The following CSGALNACT1 variants were observed in gnomAD, a reference collection of about 807,000 sequenced individuals.
CSGALNACT1 encodes the protein beta4GalNAcT-1.
In CSGALNACT1, 52 loss-of-function variants were observed where a neutral mutation model predicts 51.0. The observed-to-expected ratio is 1.02, with a 90% CI of 0.82 to 1.29. The LOEUF is 1.29. Ranked by LOEUF, CSGALNACT1 falls within the 50% of genes most tolerant of loss-of-function variation. The pLI is 0.00. For synonymous variants in CSGALNACT1, 341 were observed against 254.4 expected (o/e 1.34, Z -3.24); for missense variants, 935 against 679.2 (o/e 1.38, Z -4.19).
intron 1 of CSGALNACT1, among the ~76,000 whole-genome samples, chr8:19,621,850 T>A (rs557139394): frequency 6.6e-6 from 1 of 152,362 alleles, no homozygotes; most frequent in African/African-American, 2.4e-5. Flanking sequence ...ATTCCTTTGC[T>A]AAGTCAGATA....
intron 4 of CSGALNACT1, among the ~76,000 whole-genome samples, chr8:19,486,147 C>G (rs907559899): frequency 5.9e-5 from 9 of 151,710 alleles, no homozygotes; most frequent in Non-Finnish European, 1.2e-4. Context: ...ACAAAAAAAA[C>G]AGCCACAGAT....
At chr8:19,573,137 G>T (rs1588526653) in intron 3 of CSGALNACT1, among the ~76,000 whole-genome samples, 1 of 152,140 alleles carries the variant, frequency 6.6e-6, no homozygotes, top group African/African-American at 2.4e-5. Context: ...GTTTTACTTT[G>T]ATCTCAAGAC....
In CSGALNACT1 at chr8:19,553,959, G is replaced by T. The variant is rs1448271798; in HGVS notation, c.-297+37201C>A. Reference sequence around the variant, plus strand: ...CAATAAAAGCTTGGAAGATAAACCTGAAGATATCTTTCAGAATAGAGAAAA... The same window carrying T: ...CAATAAAAGCTTGGAAGATAAACCTTAAGATATCTTTCAGAATAGAGAAAA... On this transcript the variant is annotated intron_variant, in intron 3 of 9. Transcript: ENST00000454498. Among the ~76,000 whole-genome samples, 3 of 151,186 alleles carry T rather than the reference G, an allele frequency of 2.0e-5. No homozygotes were observed. In the East Asian group the frequency reaches 5.8e-4, roughly 29 times the overall value.
At chr8:19,705,619 C>T (rs1337421940) in intron 1 of CSGALNACT1, among the ~76,000 whole-genome samples, 1 of 152,036 alleles carries the variant, frequency 6.6e-6, no homozygotes, top group Non-Finnish European at 1.5e-5. Flanking sequence ...TGCCCATAGT[C>T]CCAACTACTC....
At chr8:19,726,163 G>C (rs1156491004) in intron 1 of CSGALNACT1, among the ~76,000 whole-genome samples, 2 of 151,976 alleles carry the variant, frequency 1.3e-5, no homozygotes, top group Admixed American at 6.6e-5. Context: ...AATAATATAA[G>C]CTCCATGTAT....
intron 5 of CSGALNACT1, among the ~76,000 whole-genome samples, chr8:19,444,465 G>C (rs796448680): frequency 7.9e-5 from 12 of 152,218 alleles, no homozygotes; most frequent in African/African-American, 2.9e-4. Flanking sequence ...ATTTTAACCT[G>C]AGTTTCTGGA....
chr8:19,441,862 C>T (rs2061377604), intron 5 of CSGALNACT1, among the ~76,000 whole-genome samples: 1 of 149,616 alleles, frequency 6.7e-6, no homozygotes, highest in Admixed American at 6.7e-5. Context: ...TGAACTCCAA[C>T]AAATTTACAA....
intron 3 of CSGALNACT1, among the ~76,000 whole-genome samples, chr8:19,539,868 G>A (rs2084680389): frequency 6.6e-6 from 1 of 152,182 alleles, no homozygotes; most frequent in South Asian, 2.1e-4. Flanking sequence ...GGCCTTGGAG[G>A]GAGGGGGACA....
chr8:19,471,276 C>T (rs1365270697), intron 4 of CSGALNACT1, among the ~76,000 whole-genome samples: 1 of 152,110 alleles, frequency 6.6e-6, no homozygotes, highest in Non-Finnish European at 1.5e-5. Flanking sequence ...ACTGCGCATG[C>T]GGAAAGCCTA....
chr8:19,626,386 G>A (rs779647755), intron 1 of CSGALNACT1, among the ~76,000 whole-genome samples: 4 of 151,368 alleles, frequency 2.6e-5, no homozygotes, highest in South Asian at 4.2e-4. Flanking sequence ...GCCCAAAGGG[G>A]AAGGAAAAAA....
intron 4 of CSGALNACT1, among the ~76,000 whole-genome samples, chr8:19,493,046 ATTCT>A (rs1286576293): frequency 9.5e-6 from 1 of 104,786 alleles, no homozygotes; most frequent in Non-Finnish European, 2.0e-5. Flanking sequence ...GCTGCCTAAA[ATTCT>A]TTTTTTGAAA....
intron 1 of CSGALNACT1, among the ~76,000 whole-genome samples, chr8:19,648,430 T>C (rs1288662377): frequency 6.6e-6 from 1 of 152,208 alleles, no homozygotes; most frequent in Non-Finnish European, 1.5e-5. Context: ...CATTTCTACA[T>C]TCAATTTCTA....
At chr8:19,686,885 A>C (rs549846416), upstream of CSGALNACT1, among the ~76,000 whole-genome samples, 92 of 152,264 alleles carry the variant, frequency 6.0e-4, 2 homozygotes, top group South Asian at 9.1e-3. Flanking sequence ...CTGGTGGGGC[A>C]CATCTCTCTC....
At chr8:19,558,751 T>C (rs1158876803) in intron 3 of CSGALNACT1, among the ~76,000 whole-genome samples, 2 of 152,152 alleles carry the variant, frequency 1.3e-5, no homozygotes, top group Non-Finnish European at 2.9e-5. Flanking sequence ...TGACATTTAA[T>C]TTAGAGATTT....
At chr8:19,682,969 G>A (rs372231704), upstream of CSGALNACT1, 1 of 295,340 alleles carries the variant, frequency 3.4e-6, no homozygotes, top group African/African-American at 2.2e-5. Flanking sequence ...GCAGTCCTTC[G>A]TAAACCAAAG....
At chr8:19,470,778 C>G (rs2067956118) in intron 4 of CSGALNACT1, among the ~76,000 whole-genome samples, 1 of 152,100 alleles carries the variant, frequency 6.6e-6, no homozygotes, top group Non-Finnish European at 1.5e-5. Context: ...TAAGGAGAAG[C>G]AATGTCCTGG....
In CSGALNACT1 at chr8:19,483,916, T is replaced by C. The variant is rs79934400; in HGVS notation, c.634+21285A>G. ...TGTCCCCACTTACCGACTATTTTGC[T>C]TTTCATGGTTTCAGTTACCAGCAGT... On this transcript the variant is annotated intron_variant, in intron 4 of 9. Coordinates refer to ENST00000454498, the Ensembl canonical transcript of CSGALNACT1. 8.9e-3 allele frequency among the ~76,000 whole-genome samples: 1,348 copies of C among 152,316 alleles called. 18 individuals carry two copies. Among genetic ancestry groups the C allele is most frequent in the African/African-American group, 0.03 (1,239 of 41,566 alleles).
chr8:19,669,536 C>T (rs1238555412), intron 1 of CSGALNACT1, among the ~76,000 whole-genome samples: 1 of 152,222 alleles, frequency 6.6e-6, no homozygotes, highest in Non-Finnish European at 1.5e-5. Flanking sequence ...ACTGCAACTT[C>T]TCCCTCCCAG....
rs149964194 is a variant in CSGALNACT1 at position 19,510,413 on chromosome 8, G to C, written c.-296-4283C>G. Among the ~76,000 whole-genome samples the C allele has an allele frequency of 9.2e-3, 1,403 of 152,216 alleles. 13 individuals carry two copies. The highest frequency in any genetic ancestry group is 0.014 in the Non-Finnish European group (921 of 67,984). ...ATAACACAGCAATGAATAAACAATAGACGACAGTCTCAGTCCACTCTATCT... is the reference window on the plus strand; with the variant it reads ...ATAACACAGCAATGAATAAACAATACACGACAGTCTCAGTCCACTCTATCT... On this transcript the variant is annotated intron_variant, in intron 3 of 9. Coordinates refer to ENST00000454498, the Ensembl canonical transcript of CSGALNACT1.
Sources: gnomAD v4.1 joint callset for allele counts (sites outside exome capture counted in the v4.1 genomes callset) on GRCh38, gnomAD v4.1.1 for gene constraint, MANE v1.5 for transcripts, NCBI Gene and HGNC (gene_info 2026-07-23, HGNC 2026-07-21) for gene names.